LRRC4C: variants seen among roughly 807,000 people sequenced by gnomAD.
LRRC4C encodes leucine-rich repeat-containing protein 4C.
A neutral mutation model predicts 33.6 loss-of-function variants in LRRC4C; 5 were observed. The ratio of observed to expected loss-of-function variants is 0.15; its 90% confidence interval spans 0.08 to 0.31. The LOEUF (loss-of-function observed/expected upper bound fraction) is 0.31, where lower values mean the gene tolerates loss of function less well. Ranked by LOEUF, LRRC4C falls within the 10% of genes least tolerant of loss-of-function variation. LRRC4C has a pLI of 1.00. For missense variants in LRRC4C, 560 were observed against 796.7 expected, an observed-to-expected ratio of 0.70 and a Z score of 3.58; for synonymous variants, 329 against 302.0, an observed-to-expected ratio of 1.09 and a Z score of -0.93.
chr11:41,046,140 A>T (rs1012049235), intron 1 of LRRC4C, among the ~76,000 whole-genome samples: 2 of 152,180 alleles, frequency 1.3e-5, no homozygotes, highest in Non-Finnish European at 2.9e-5. Flanking sequence ...AAATGCTAAT[A>T]AAGGAATAAC....
rs11035917 is a variant in LRRC4C at position 40,558,106 on chromosome 11, C to G, written c.-270+90036G>C. On this transcript the variant is annotated intron_variant, in intron 3 of 6. Transcript: ENST00000528697. ...TTTGAAAACTAACGTAATTGTTTAG[C>G]ACTGCAATTACTGTTCAGAAATACA... Among the ~76,000 whole-genome samples the G allele has an allele frequency of 6.8e-3, 1,030 of 152,230 alleles. 19 individuals are homozygous for G. Among genetic ancestry groups the G allele is most frequent in the African/African-American group, 0.024 (986 of 41,536 alleles).
At chr11:41,202,496 C>T (rs970750615) in intron 1 of LRRC4C, among the ~76,000 whole-genome samples, 1 of 152,136 alleles carries the variant, frequency 6.6e-6, no homozygotes, top group African/African-American at 2.4e-5. Flanking sequence ...AGCACTAAAT[C>T]ACTTTACATA....
chr11:40,359,876 C>G (rs551421976), intron 3 of LRRC4C, among the ~76,000 whole-genome samples: 4 of 152,206 alleles, frequency 2.6e-5, no homozygotes, highest in Non-Finnish European at 5.9e-5. Context: ...TACTCTCTCC[C>G]AATCTGATAT....
At chr11:41,250,302 AT>A (rs1948598748) in intron 1 of LRRC4C, among the ~76,000 whole-genome samples, 1 of 152,214 alleles carries the variant, frequency 6.6e-6, no homozygotes, top group African/African-American at 2.4e-5. Flanking sequence ...CCTCTACCTG[AT>A]TTAGAAGGAT....
rs1220568634 is a variant in LRRC4C, at chr11:40,114,538, C to T, written c.1755G>A (p.Leu585=). The T allele has an allele frequency of 2.5e-6, 4 of 1,614,002 alleles. No individual in the cohort carries two copies. The African/African-American group carries it at 4.0e-5, about 16-fold the overall frequency. Reference sequence around the variant, plus strand: ...GCTCATGCTCGATAGCAGGCATGGGCAGGTGGCTTTCCATGGGTGTGTCTC... The same window carrying T: ...GCTCATGCTCGATAGCAGGCATGGGTAGGTGGCTTTCCATGGGTGTGTCTC... ...ITGDTPMESH[L]PMPAIEHEHL... is the part of the protein sequence containing the mutation. Residue 585 remains leucine, a synonymous_variant, in exon 7 of 7, where the codon CTG becomes CTA. Coordinates refer to ENST00000528697, the MANE Select transcript of LRRC4C (RefSeq NM_001258419.2).
At chr11:41,231,280 T>A (rs1296923778) in intron 1 of LRRC4C, among the ~76,000 whole-genome samples, 2 of 152,026 alleles carry the variant, frequency 1.3e-5, no homozygotes, top group Admixed American at 6.6e-5. Flanking sequence ...ACCCAAAGGA[T>A]TATAAATCAT....
At chr11:40,481,297 T>C (rs567887570) in intron 3 of LRRC4C, among the ~76,000 whole-genome samples, 10 of 152,230 alleles carry the variant, frequency 6.6e-5, no homozygotes, top group African/African-American at 2.4e-4. Flanking sequence ...CATTCAACAA[T>C]ATGCTTCCTT....
At chr11:40,315,706 G>C (rs1239265911) in intron 4 of LRRC4C, among the ~76,000 whole-genome samples, 1 of 151,644 alleles carries the variant, frequency 6.6e-6, no homozygotes, top group Non-Finnish European at 1.5e-5. Context: ...GTCTTCATTT[G>C]TCCACTGATT....
chr11:41,119,387 T>C (rs1942308998), intron 1 of LRRC4C, among the ~76,000 whole-genome samples: 1 of 152,162 alleles, frequency 6.6e-6, no homozygotes, highest in South Asian at 2.1e-4. Context: ...TTAAATTATT[T>C]CTGGAAGAAA....
intron 1 of LRRC4C, among the ~76,000 whole-genome samples, chr11:40,998,084 C>T (rs116598487): frequency 0.028 from 4,234 of 151,934 alleles, 58 homozygotes; most frequent in Middle Eastern, 0.044. Flanking sequence ...AAAGAGAGGT[C>T]GAAAACCAGA....
intron 3 of LRRC4C, among the ~76,000 whole-genome samples, chr11:40,410,770 G>T (rs554199643): frequency 6.6e-6 from 1 of 152,132 alleles, no homozygotes; most frequent in Admixed American, 6.6e-5. Flanking sequence ...ATCCAGTAAC[G>T]TAGGTGTTGC....
At chr11:40,218,327 G>T (rs1864121707) in intron 5 of LRRC4C, among the ~76,000 whole-genome samples, 1 of 151,988 alleles carries the variant, frequency 6.6e-6, no homozygotes, top group Admixed American at 6.6e-5. Flanking sequence ...TAAAATAAAA[G>T]AATAACTTTG....
intron 1 of LRRC4C, among the ~76,000 whole-genome samples, chr11:41,117,666 A>T (rs778974917): frequency 6.6e-6 from 1 of 152,134 alleles, no homozygotes; most frequent in Non-Finnish European, 1.5e-5. Context: ...AGGTTGTAGG[A>T]TATCGTGTTG....
intron 5 of LRRC4C, among the ~76,000 whole-genome samples, chr11:40,153,293 C>T (rs556925017): frequency 1.3e-5 from 2 of 152,252 alleles, no homozygotes; most frequent in Admixed American, 6.5e-5. Context: ...TGAACAACAG[C>T]CTTCAGCCTT....
At chr11:40,813,013 T>C (rs886950808) in intron 2 of LRRC4C, among the ~76,000 whole-genome samples, 5 of 152,192 alleles carry the variant, frequency 3.3e-5, no homozygotes, top group African/African-American at 1.2e-4. Flanking sequence ...GATTTGAATT[T>C]TAAAGTTCTA....
intron 1 of LRRC4C, among the ~76,000 whole-genome samples, chr11:41,397,708 TTAAA>T (rs1366396369): frequency 6.6e-6 from 1 of 151,772 alleles, no homozygotes; most frequent in Non-Finnish European, 1.5e-5. Context: ...ATCTAATTAC[TTAAA>T]TATTTATTTT....
intron 2 of LRRC4C, among the ~76,000 whole-genome samples, chr11:40,769,336 C>A (rs1949640482): frequency 6.6e-6 from 1 of 151,664 alleles, no homozygotes; most frequent in Non-Finnish European, 1.5e-5. Context: ...AAAAAGACAC[C>A]AAAAAGTGGT....
At chr11:40,437,760 T>A (rs535500989) in intron 3 of LRRC4C, among the ~76,000 whole-genome samples, 1 of 152,266 alleles carries the variant, frequency 6.6e-6, no homozygotes, top group East Asian at 1.9e-4. Context: ...CAGGCTGGAG[T>A]GCAGTGGCAC....
intron 1 of LRRC4C, among the ~76,000 whole-genome samples, chr11:41,290,716 A>ACCC (rs1949968854): frequency 6.6e-6 from 1 of 152,144 alleles, no homozygotes; most frequent in African/African-American, 2.4e-5. Flanking sequence ...ACCCTATTAG[A>ACCC]TTCCTGCCAT....
Sources: gnomAD v4.1 joint callset for allele counts (sites outside exome capture counted in the v4.1 genomes callset) on GRCh38, gnomAD v4.1.1 for gene constraint, MANE v1.5 for transcripts, NCBI Gene and HGNC (gene_info 2026-07-23, HGNC 2026-07-21) for gene names.